Variants in BACC1 observed in about 807,000 individuals in gnomAD.
BACC1 encodes BPTF-associated chromatin complex component 1.
At chr17:7,017,397 G>C in the BACC1 span, 2 of 1,423,410 alleles carry the variant, frequency 1.4e-6, no homozygotes, top group East Asian at 2.3e-5. Context: ...GCCTGCACGA[G>C]AGAGGGCTGA....
the BACC1 span, chr17:7,016,082 G>A: frequency 7.1e-6 from 4 of 561,108 alleles, no homozygotes; most frequent in Admixed American, 3.4e-5. Flanking sequence ...TTCCAAGAAT[G>A]TGAATTTAGG....
the BACC1 span, chr17:7,015,131 C>A: frequency 1.3e-6 from 2 of 1,587,158 alleles, no homozygotes; most frequent in Non-Finnish European, 1.7e-6. Flanking sequence ...GCAGCTGCAT[C>A]CCGTGGCCGA....
chr17:7,015,078 C>T, the BACC1 span: 2 of 1,560,610 alleles, frequency 1.3e-6, no homozygotes, highest in Non-Finnish European at 1.7e-6. Flanking sequence ...GAGATCTTCT[C>T]GGCGGCCGGC....
At chr17:7,015,086 G>C in the BACC1 span, 1 of 1,566,342 alleles carries the variant, frequency 6.4e-7, no homozygotes. Context: ...CTCGGCGGCC[G>C]GCGCCGCCTT....
At chr17:7,014,869 G>A in the BACC1 span, 1 of 1,538,388 alleles carries the variant, frequency 6.5e-7, no homozygotes, top group Non-Finnish European at 8.7e-7. This position sits in a 1 kb window ranked among gnomAD's most constrained non-coding sequence, Gnocchi z 4.5. Context: ...TGACGTCAGC[G>A]TCCACAAAGG....
At chr17:7,015,685 C>T in the BACC1 span, 1 of 1,395,708 alleles carries the variant, frequency 7.2e-7, no homozygotes, top group Non-Finnish European at 1.0e-6. Flanking sequence ...CGGAAGGAGG[C>T]GGCTGGTTGG....
chr17:7,014,828 C>T, the BACC1 span: 6 of 1,526,560 alleles, frequency 3.9e-6, no homozygotes, highest in South Asian at 3.6e-5. The surrounding 1 kb of genome is among the most constrained non-coding windows in gnomAD (Gnocchi z 4.5). Context: ...GCGGCGGCGG[C>T]GGCGTCTCCG....
the BACC1 span, chr17:7,017,167 A>G: frequency 6.3e-7 from 1 of 1,579,370 alleles, no homozygotes; most frequent in African/African-American, 1.3e-5. Context: ...TTGGATCAGT[A>G]CGTAGCAGGG....
the BACC1 span, chr17:7,017,149 G>T: frequency 6.4e-7 from 1 of 1,557,368 alleles, no homozygotes; most frequent in African/African-American, 1.4e-5. Context: ...CATACACAGC[G>T]CAGGGCATTG....
At chr17:7,015,565 T>C in the BACC1 span, 1 of 1,414,998 alleles carries the variant, frequency 7.1e-7, no homozygotes, top group Middle Eastern at 2.6e-4. Flanking sequence ...GTGGAGGTGG[T>C]TGTGATTTCT....
chr17:7,017,021 GTCC>G, the BACC1 span: 99 of 1,605,834 alleles, frequency 6.2e-5, no homozygotes, highest in African/African-American at 1.1e-3. Flanking sequence ...CAGGGTAGGA[GTCC>G]TCCTCCTCCC....
chr17:7,016,154 T>C, the BACC1 span: 1 of 521,298 alleles, frequency 1.9e-6, no homozygotes, highest in Non-Finnish European at 3.4e-6. Context: ...ATATAAATGT[T>C]TGAGGACCCC....
chr17:7,017,474 A>C, the BACC1 span: 1 of 741,036 alleles, frequency 1.3e-6, no homozygotes, highest in Admixed American at 2.0e-5. Context: ...TTTGACCTTC[A>C]TCTGATGGAC....
At chr17:7,014,811 G>A in the BACC1 span, 27 of 1,525,456 alleles carry the variant, frequency 1.8e-5, no homozygotes, top group Non-Finnish European at 7.9e-6. The surrounding 1 kb of genome is among the most constrained non-coding windows in gnomAD (Gnocchi z 4.5). Context: ...GTCCCGGCTC[G>A]CGTGTAGCGG....
the BACC1 span, chr17:7,015,291 A>C: frequency 7.2e-7 from 1 of 1,395,122 alleles, no homozygotes; most frequent in Non-Finnish European, 9.3e-7. Context: ...CGGTGTTAAT[A>C]AATGATCGTT....
At chr17:7,014,805 C>T in the BACC1 span, 8 of 1,521,664 alleles carry the variant, frequency 5.3e-6, no homozygotes, top group East Asian at 2.7e-5. This position sits in a 1 kb window ranked among gnomAD's most constrained non-coding sequence, Gnocchi z 4.5. Flanking sequence ...TCCGTGGTCC[C>T]GGCTCGCGTG....
At chr17:7,014,794 C>A in the BACC1 span, 1 of 1,519,304 alleles carries the variant, frequency 6.6e-7, no homozygotes, top group Non-Finnish European at 8.8e-7. This position sits in a 1 kb window ranked among gnomAD's most constrained non-coding sequence, Gnocchi z 4.5. Flanking sequence ...TCTCCCTGCT[C>A]TCCGTGGTCC....
chr17:7,015,152 G>T, the BACC1 span: 1 of 1,574,210 alleles, frequency 6.4e-7, no homozygotes. Flanking sequence ...CTCTTCTCCT[G>T]CGGGGTACGT....
the BACC1 span, chr17:7,016,607 C>G: frequency 6.2e-7 from 1 of 1,614,156 alleles, no homozygotes; most frequent in Non-Finnish European, 8.5e-7. Flanking sequence ...TGTCTTGTCA[C>G]CTCCTCCAGC....
Sources: allele counts gnomAD v4.1 joint callset, GRCh38; gene constraint gnomAD v4.1.1; non-coding constraint Gnocchi (gnomAD v3.1); transcripts MANE v1.5; gene names NCBI Gene and HGNC (gene_info 2026-07-23, HGNC 2026-07-21).